DCAF8L2: variants seen among roughly 807,000 people sequenced by gnomAD.
The protein encoded by DCAF8L2 is DDB1 and CUL4 associated factor 8 like 2.
For synonymous variants in DCAF8L2, 200 were observed against 190.9 expected (o/e 1.05, Z -0.39); for missense variants, 430 against 490.7 (o/e 0.88, Z 1.17).
the DCAF8L2 span, among the ~76,000 whole-genome samples, chrX:27,579,615 TACACACACACACACACACACAC>T: frequency 4.5e-5 from 4 of 87,927 alleles, no homozygotes; most frequent in Non-Finnish European, 6.6e-5. Context: ...TTCAGAGAAA[TACACACACACACACACACACAC>T]ACACACACAC....
At chrX:27,627,540 TGTGTGTG>T (rs1928077270) in intron 1 of DCAF8L2, 1 of 15,755 alleles carries the variant, frequency 6.3e-5, no homozygotes, top group African/African-American at 3.4e-4. Context: ...GTTTTTGTTG[TGTGTGTG>T]TGTGTGTGTG....
At chrX:27,554,268 T>TAC in the DCAF8L2 span, among the ~76,000 whole-genome samples, 1 of 111,814 alleles carries the variant, frequency 8.9e-6, no homozygotes, top group African/African-American at 3.3e-5. Flanking sequence ...GGATCTCCCT[T>TAC]ACAGCACATA....
the DCAF8L2 span, among the ~76,000 whole-genome samples, chrX:27,564,553 C>T: frequency 9.0e-6 from 1 of 110,875 alleles, no homozygotes; most frequent in Non-Finnish European, 1.9e-5. Context: ...CACACACACA[C>T]ACACAGAACG....
At chrX:27,609,491 T>C (rs1258898949) in intron 1 of DCAF8L2, among the ~76,000 whole-genome samples, 1 of 111,121 alleles carries the variant, frequency 9.0e-6, no homozygotes, top group Admixed American at 9.7e-5. Context: ...ACAGCTAGTA[T>C]AAAACAAACC....
At chrX:27,739,105 TA>T (rs954471809) in intron 4 of DCAF8L2, among the ~76,000 whole-genome samples, 16 of 110,341 alleles carry the variant, frequency 1.5e-4, no homozygotes, top group East Asian at 1.1e-3. Flanking sequence ...AAATCTGATT[TA>T]AAAAAAAATC....
At chrX:27,477,049 T>C in the DCAF8L2 span, among the ~76,000 whole-genome samples, 1 of 112,134 alleles carries the variant, frequency 8.9e-6, no homozygotes, top group Non-Finnish European at 1.9e-5. Context: ...TCATTACTTT[T>C]CAATTCCTAG....
the DCAF8L2 span, among the ~76,000 whole-genome samples, chrX:27,497,556 CT>C: frequency 1.2e-5 from 1 of 86,892 alleles, no homozygotes; most frequent in South Asian, 5.3e-4. Context: ...TTCCTTCTTT[CT>C]TTCTTTCTTT....
chrX:27,681,587 TA>T (rs1431194126), intron 3 of DCAF8L2, among the ~76,000 whole-genome samples: 1 of 112,336 alleles, frequency 8.9e-6, no homozygotes, highest in Non-Finnish European at 1.9e-5. Context: ...ACATAAAATA[TA>T]TCAGTCAGTA....
the DCAF8L2 span, among the ~76,000 whole-genome samples, chrX:27,511,172 C>A: frequency 1.2e-4 from 13 of 111,240 alleles, no homozygotes; most frequent in African/African-American, 3.9e-4. Context: ...CAATTACTGT[C>A]ATTTTACATT....
intron 3 of DCAF8L2, among the ~76,000 whole-genome samples, chrX:27,684,675 C>G (rs1250596454): frequency 9.0e-6 from 1 of 111,528 alleles, no homozygotes; most frequent in African/African-American, 3.3e-5. Flanking sequence ...GGCTAAAAGT[C>G]AATTTCATAT....
rs746864448 is a variant in DCAF8L2, at chrX:27,630,692, C to T, written c.-341-1187C>T. Among the ~76,000 whole-genome samples the T allele has an allele frequency of 4.5e-5, 5 of 111,999 alleles. No individual in the cohort carries two copies. In the South Asian group the frequency reaches 1.1e-3, roughly 25 times the overall value. On this transcript the variant is annotated intron_variant, in intron 1 of 4. Transcript: ENST00000451261. ...CCATGATCAAGTGGGGTTTATTCAT[C>T]ATAGTCTATTCAAATTGCTATAACA... is the stretch of plus-strand genomic sequence containing the variant.
chrX:27,528,097 TTTTAA>T, the DCAF8L2 span, among the ~76,000 whole-genome samples: 3 of 83,607 alleles, frequency 3.6e-5, no homozygotes, highest in African/African-American at 1.2e-4. Context: ...TTAGACTAAT[TTTTAA>T]TTTAATTTAA....
At chrX:27,616,660 A>G (rs1364453993) in intron 1 of DCAF8L2, among the ~76,000 whole-genome samples, 1 of 111,396 alleles carries the variant, frequency 9.0e-6, no homozygotes, top group Non-Finnish European at 1.9e-5. Flanking sequence ...TTATCGTATT[A>G]CGTTGATTCT....
chrX:27,561,613 C>T, the DCAF8L2 span, among the ~76,000 whole-genome samples: 1 of 111,315 alleles, frequency 9.0e-6, no homozygotes, highest in East Asian at 2.8e-4. Context: ...CCTAAAAAAA[C>T]ACTAATTAGC....
chrX:27,614,394 A>G (rs1318631461), intron 1 of DCAF8L2, among the ~76,000 whole-genome samples: 2 of 110,715 alleles, frequency 1.8e-5, no homozygotes, highest in Non-Finnish European at 3.8e-5. Flanking sequence ...TGATCTTTTC[A>G]AAATACCAGC....
chrX:27,589,233 A>T, upstream of DCAF8L2, among the ~76,000 whole-genome samples: 1 of 111,714 alleles, frequency 9.0e-6, no homozygotes, highest in African/African-American at 3.3e-5. Context: ...AATGTTATAG[A>T]GTGGTCATGG....
the DCAF8L2 span, among the ~76,000 whole-genome samples, chrX:27,541,555 A>G: frequency 9.2e-6 from 1 of 108,895 alleles, no homozygotes; most frequent in Non-Finnish European, 1.9e-5. Flanking sequence ...TTCAGTAGAG[A>G]CAGGATTTCT....
chrX:27,568,725 A>G, the DCAF8L2 span, among the ~76,000 whole-genome samples: 18 of 105,310 alleles, frequency 1.7e-4, no homozygotes, highest in Non-Finnish European at 2.9e-4. Flanking sequence ...CAATGTGCAG[A>G]TTAGTTACAT....
chrX:27,707,656 T>C (rs955085979), intron 3 of DCAF8L2, among the ~76,000 whole-genome samples: 1 of 111,926 alleles, frequency 8.9e-6, no homozygotes, highest in Non-Finnish European at 1.9e-5. Context: ...GGAAATCATC[T>C]TGGCTTTCAT....
Sources: allele counts gnomAD v4.1 joint callset (sites outside exome capture counted in the v4.1 genomes callset), GRCh38; gene constraint gnomAD v4.1.1; transcripts MANE v1.5; gene names NCBI Gene and HGNC (gene_info 2026-07-23, HGNC 2026-07-21).